Variants in BBX observed in about 807,000 individuals in gnomAD.
BBX encodes the protein BBX high mobility group box domain containing.
A neutral mutation model predicts 100.2 loss-of-function variants in BBX; 30 were observed. That is an observed-to-expected ratio of 0.30 (90% CI 0.22 to 0.41). The LOEUF (loss-of-function observed/expected upper bound fraction) is 0.41. Among genes scored for constraint, BBX ranks in the 10% least tolerant of loss-of-function variants. BBX has a pLI of 1.00. For missense variants in BBX, 1,023 were observed against 1,129.8 expected, an observed-to-expected ratio of 0.91 and a Z score of 1.35; for synonymous variants, 376 against 388.1, an observed-to-expected ratio of 0.97 and a Z score of 0.37.
intron 5 of BBX, among the ~76,000 whole-genome samples, chr3:107,721,714 A>G (rs1031405662): frequency 6.6e-6 from 1 of 152,000 alleles, no homozygotes; most frequent in Non-Finnish European, 1.5e-5. Context: ...AAACATTTAA[A>G]TGTTTATAAA....
chr3:107,543,556 A>G (rs2107374386), intron 2 of BBX, among the ~76,000 whole-genome samples: 1 of 152,340 alleles, frequency 6.6e-6, no homozygotes, highest in East Asian at 1.9e-4. Flanking sequence ...ACATGATTTT[A>G]GTAGTTAACG....
intron 7 of BBX, among the ~76,000 whole-genome samples, chr3:107,740,261 A>G (rs2063977367): frequency 6.6e-6 from 1 of 151,804 alleles, no homozygotes; most frequent in Non-Finnish European, 1.5e-5. Flanking sequence ...CATAAAAGAC[A>G]CTCACTGCCT....
intron 3 of BBX, among the ~76,000 whole-genome samples, chr3:107,665,723 C>T (rs1222412757): frequency 1.3e-5 from 2 of 152,222 alleles, no homozygotes; most frequent in African/African-American, 4.8e-5. Context: ...TTCTTCTCTT[C>T]CCTCAACCCG....
At chr3:107,548,512 G>A (rs2049409098) in intron 2 of BBX, among the ~76,000 whole-genome samples, 1 of 152,098 alleles carries the variant, frequency 6.6e-6, no homozygotes, top group Non-Finnish European at 1.5e-5. Context: ...CTTAATAATG[G>A]TTAGTAGTAT....
At chr3:107,716,077 T>C (rs1407701153) in intron 4 of BBX, among the ~76,000 whole-genome samples, 1 of 152,236 alleles carries the variant, frequency 6.6e-6, no homozygotes, top group Non-Finnish European at 1.5e-5. Flanking sequence ...CCTTTTTATG[T>C]CTTACTTTCA....
intron 9 of BBX, among the ~76,000 whole-genome samples, chr3:107,754,277 T>A (rs917702259): frequency 6.6e-6 from 1 of 152,192 alleles, no homozygotes. Flanking sequence ...CTTAGTCTCC[T>A]GATAAGGTGA....
At chr3:107,689,507 G>A (rs956185626) in intron 3 of BBX, among the ~76,000 whole-genome samples, 1 of 152,170 alleles carries the variant, frequency 6.6e-6, no homozygotes, top group Non-Finnish European at 1.5e-5. Context: ...GAAAGATGCA[G>A]CACTCACGGG....
chr3:107,717,611 G>A (rs748430569), intron 5 of BBX, among the ~76,000 whole-genome samples: 39 of 152,138 alleles, frequency 2.6e-4, no homozygotes, highest in Non-Finnish European at 3.8e-4. Context: ...CTGTGTAGGC[G>A]GTGGTTAGTG....
At chr3:107,757,958 G>C (rs894020554) in intron 10 of BBX, among the ~76,000 whole-genome samples, 1 of 152,112 alleles carries the variant, frequency 6.6e-6, no homozygotes, top group African/African-American at 2.4e-5. Flanking sequence ...GATTTCTAAA[G>C]AGATAGCCTA....
At chr3:107,643,894 A>G (rs2057366469) in intron 2 of BBX, among the ~76,000 whole-genome samples, 1 of 152,194 alleles carries the variant, frequency 6.6e-6, no homozygotes, top group South Asian at 2.1e-4. Flanking sequence ...TATCACAGGC[A>G]GGACCCTCAG....
At chr3:107,793,501 A>G (rs77028318) in intron 15 of BBX, among the ~76,000 whole-genome samples, 4,273 of 152,202 alleles carry the variant, frequency 0.028, 214 homozygotes, top group African/African-American at 0.098. Flanking sequence ...TTTTCTTACT[A>G]TCTCCAACAT....
chr3:107,558,331 T>G (rs1299886193), intron 2 of BBX, among the ~76,000 whole-genome samples: 1 of 152,080 alleles, frequency 6.6e-6, no homozygotes, highest in Non-Finnish European at 1.5e-5. Flanking sequence ...TACTAAGAAA[T>G]ACAATAATTA....
intron 2 of BBX, among the ~76,000 whole-genome samples, chr3:107,554,238 G>A (rs1407562777): frequency 2.0e-5 from 3 of 152,124 alleles, no homozygotes; most frequent in Non-Finnish European, 2.9e-5. Flanking sequence ...TATTGATTAC[G>A]GATTTAGAGA....
At chr3:107,785,027 A>G (rs73210258) in intron 13 of BBX, among the ~76,000 whole-genome samples, 17,494 of 151,764 alleles carry the variant, frequency 0.12, 1,321 homozygotes, top group Middle Eastern at 0.18. Context: ...ACAATACTAT[A>G]AACAACTAAA....
intron 2 of BBX, among the ~76,000 whole-genome samples, chr3:107,584,168 AT>A (rs1252869887): frequency 4.0e-5 from 1 of 25,278 alleles, no homozygotes; most frequent in Non-Finnish European, 7.1e-5. Context: ...TATATATATT[AT>A]TATATATATT....
chr3:107,749,105 T>C (rs1032805698), intron 9 of BBX, among the ~76,000 whole-genome samples: 1 of 152,206 alleles, frequency 6.6e-6, no homozygotes, highest in Non-Finnish European at 1.5e-5. Flanking sequence ...TAGTATTTGC[T>C]TAGCTGCTGA....
At chr3:107,593,325 C>T (rs1327585309) in intron 2 of BBX, among the ~76,000 whole-genome samples, 1 of 152,130 alleles carries the variant, frequency 6.6e-6, no homozygotes, top group Non-Finnish European at 1.5e-5. Context: ...AAAGATCAAC[C>T]CAAGGGAGGC....
chr3:107,797,153 A>C (rs905371490), intron 15 of BBX, among the ~76,000 whole-genome samples: 14 of 151,828 alleles, frequency 9.2e-5, no homozygotes, highest in African/African-American at 3.4e-4. Context: ...CATGATTTCC[A>C]GGACAAATAA....
chr3:107,597,048 C>T (rs559221616), intron 2 of BBX, among the ~76,000 whole-genome samples: 16 of 152,202 alleles, frequency 1.1e-4, no homozygotes, highest in African/African-American at 2.9e-4. Flanking sequence ...AATTTTTCAT[C>T]GTAAGTCTAA....
Sources: gnomAD v4.1 joint callset for allele counts (sites outside exome capture counted in the v4.1 genomes callset) on GRCh38, gnomAD v4.1.1 for gene constraint, MANE v1.5 for transcripts, NCBI Gene and HGNC (gene_info 2026-07-23, HGNC 2026-07-21) for gene names.